Variants in RABGAP1L observed in about 807,000 individuals in gnomAD.
RABGAP1L encodes rab GTPase-activating protein 1-like.
In RABGAP1L, 63 loss-of-function variants were observed where a neutral mutation model predicts 137.7. That is an observed-to-expected ratio of 0.46 (90% CI 0.37 to 0.56). The LOEUF is 0.56. RABGAP1L is among the 20% of genes least tolerant of loss of function. The probability of loss-of-function intolerance (pLI) is 0.00; values close to 1 mark genes in which losing one functional copy is unlikely to be tolerated. For missense variants in RABGAP1L, 1,095 were observed against 1,244.0 expected (o/e 0.88, Z 1.80); for synonymous variants, 431 against 433.7 (o/e 0.99, Z 0.08).
At chr1:174,426,668 G>C (rs945767611) in intron 13 of RABGAP1L, among the ~76,000 whole-genome samples, 10 of 152,002 alleles carry the variant, frequency 6.6e-5, no homozygotes, top group African/African-American at 2.4e-4. Context: ...TTTTTTCCTA[G>C]AGTAAATGTT....
intron 11 of RABGAP1L, among the ~76,000 whole-genome samples, chr1:174,330,999 T>C (rs1318878580): frequency 6.6e-6 from 1 of 152,126 alleles, no homozygotes; most frequent in African/African-American, 2.4e-5. Flanking sequence ...CGCATAGACC[T>C]ATGGAACAAA....
intron 13 of RABGAP1L, among the ~76,000 whole-genome samples, chr1:174,549,926 G>C (rs571986665): frequency 6.6e-6 from 1 of 152,222 alleles, no homozygotes; most frequent in East Asian, 1.9e-4. Context: ...CAGCTACTTG[G>C]GGGGCTGAGG....
At chr1:174,824,349 G>T (rs954892083) in intron 19 of RABGAP1L, among the ~76,000 whole-genome samples, 9 of 151,720 alleles carry the variant, frequency 5.9e-5, no homozygotes, top group Non-Finnish European at 1.3e-4. Flanking sequence ...ACAAAAATTA[G>T]CTGGGCATGG....
At chr1:174,203,811 C>T (rs765829906) in intron 1 of RABGAP1L, among the ~76,000 whole-genome samples, 5 of 151,960 alleles carry the variant, frequency 3.3e-5, no homozygotes, top group East Asian at 3.8e-4. Context: ...TGTTCTACCT[C>T]GTGGTTGGCT....
chr1:174,527,206 T>G (rs868631029), intron 13 of RABGAP1L, among the ~76,000 whole-genome samples: 1 of 75,480 alleles, frequency 1.3e-5, no homozygotes, highest in Non-Finnish European at 2.6e-5. Context: ...TTTATTTTGT[T>G]TTTTTTTTTT....
intron 13 of RABGAP1L, chr1:174,449,221 T>C (rs1378334896): frequency 2.0e-6 from 3 of 1,527,446 alleles, no homozygotes; most frequent in Non-Finnish European, 1.8e-6. Flanking sequence ...GTAAATCAAA[T>C]GTAATCTGAC....
At chr1:174,502,596 ATG>A (rs1553316731) in intron 13 of RABGAP1L, among the ~76,000 whole-genome samples, 62 of 145,182 alleles carry the variant, frequency 4.3e-4, no homozygotes, top group Admixed American at 1.0e-3. Context: ...ATATATATAT[ATG>A]TACATATATG....
intron 14 of RABGAP1L, among the ~76,000 whole-genome samples, chr1:174,639,851 T>C (rs1156944686): frequency 6.6e-6 from 1 of 152,168 alleles, no homozygotes; most frequent in Non-Finnish European, 1.5e-5. Context: ...CTTGAATTCA[T>C]TTGAAAATAC....
At chr1:174,561,495 T>C (rs1399098032) in intron 13 of RABGAP1L, among the ~76,000 whole-genome samples, 1 of 152,134 alleles carries the variant, frequency 6.6e-6, no homozygotes, top group African/African-American at 2.4e-5. Context: ...CTTCACAGAA[T>C]TGGAAAAAAT....
At chr1:174,903,103 A>G (rs1658414090) in intron 19 of RABGAP1L, among the ~76,000 whole-genome samples, 1 of 152,244 alleles carries the variant, frequency 6.6e-6, no homozygotes, top group African/African-American at 2.4e-5. Context: ...AAAATAAATA[A>G]TCCTGTATAT....
intron 11 of RABGAP1L, among the ~76,000 whole-genome samples, chr1:174,333,090 T>C (rs748637689): frequency 1.8e-4 from 27 of 152,216 alleles, no homozygotes; most frequent in Non-Finnish European, 1.8e-4. Context: ...CTGCATGATC[T>C]CACTCATGTG....
chr1:174,223,005 C>T (rs910899007), intron 3 of RABGAP1L, among the ~76,000 whole-genome samples: 4 of 151,046 alleles, frequency 2.6e-5, no homozygotes, highest in Admixed American at 2.6e-4. Context: ...CGGGGTGGCT[C>T]AAGCCTGTAA....
intron 13 of RABGAP1L, among the ~76,000 whole-genome samples, chr1:174,432,924 C>T (rs548872557): frequency 2.4e-4 from 36 of 152,282 alleles, no homozygotes; most frequent in South Asian, 6.2e-4. Flanking sequence ...TTATTAATTT[C>T]CAAAACTCAG....
chr1:174,813,428 T>A (rs963607447), intron 19 of RABGAP1L, among the ~76,000 whole-genome samples: 4 of 152,200 alleles, frequency 2.6e-5, no homozygotes, highest in African/African-American at 7.2e-5. Context: ...TTAAGCATAT[T>A]ACTTAAAAGG....
At chr1:174,380,424 CTT>C (rs1686023067) in intron 12 of RABGAP1L, among the ~76,000 whole-genome samples, 1 of 151,072 alleles carries the variant, frequency 6.6e-6, no homozygotes, top group Non-Finnish European at 1.5e-5. Context: ...GTCCTGGACT[CTT>C]TTTGGTTGGT....
At chr1:174,658,693 T>G (rs548374716) in intron 14 of RABGAP1L, among the ~76,000 whole-genome samples, 1 of 152,152 alleles carries the variant, frequency 6.6e-6, no homozygotes, top group Non-Finnish European at 1.5e-5. Context: ...CTTGTCATTT[T>G]TTTTAGGGTC....
At chr1:174,178,216 C>A (rs1403512128) in intron 1 of RABGAP1L, among the ~76,000 whole-genome samples, 2 of 151,964 alleles carry the variant, frequency 1.3e-5, no homozygotes, top group South Asian at 4.1e-4. Flanking sequence ...AGTTGTATTC[C>A]TAGTTATTTT....
rs1662913073 is a variant in RABGAP1L, at chr1:174,516,928, A to AAAT, written c.1711-120445_1711-120444insTAA. On this transcript the variant is annotated intron_variant, in intron 13 of 25. Transcript: ENST00000681986. ...GGTGACAGAGCGAGACTCTGTCTCAAAAATAAATAAATAAATAAATAAATA... is the reference window on the plus strand; with the variant it reads ...GGTGACAGAGCGAGACTCTGTCTCAAAATAAATAAATAAATAAATAAATAAATA... 6.4e-5 allele frequency among the ~76,000 whole-genome samples: 9 copies of AAAT among 141,138 alleles called. No individual in the cohort carries two copies. The East Asian group carries it at 1.9e-3, about 30-fold the overall frequency. 92.6% of individuals were successfully genotyped at this position (141,138 alleles called of 152,430 possible).
At chr1:174,161,331 C>T (rs1459369553) in intron 1 of RABGAP1L, among the ~76,000 whole-genome samples, 3 of 151,582 alleles carry the variant, frequency 2.0e-5, no homozygotes, top group African/African-American at 7.3e-5. Context: ...CAACCTCCGC[C>T]TCCCGGGTTC....
Sources: allele counts gnomAD v4.1 joint callset (sites outside exome capture counted in the v4.1 genomes callset), GRCh38; gene constraint gnomAD v4.1.1; transcripts MANE v1.5; gene names NCBI Gene and HGNC (gene_info 2026-07-23, HGNC 2026-07-21).